MTCL1: variants seen among roughly 807,000 people sequenced by gnomAD.
The protein encoded by MTCL1 is microtubule cross-linking factor 1.
Under a neutral mutation model 141.4 loss-of-function variants are expected in MTCL1, and 79 were observed. That is an observed-to-expected ratio of 0.56 (90% CI 0.47 to 0.67). The LOEUF (loss-of-function observed/expected upper bound fraction) is 0.67. Among genes scored for constraint, MTCL1 ranks in the 30% least tolerant of loss-of-function variants. The probability of loss-of-function intolerance (pLI) is 0.00; values close to 1 mark genes in which losing one functional copy is unlikely to be tolerated. For missense variants in MTCL1, 2,177 were observed against 2,113.9 expected, an observed-to-expected ratio of 1.03 and a Z score of -0.59; for synonymous variants, 914 against 875.8, an observed-to-expected ratio of 1.04 and a Z score of -0.77.
At chr18:8,766,584 A>G (rs2096461113) in intron 4 of MTCL1, among the ~76,000 whole-genome samples, 1 of 152,252 alleles carries the variant, frequency 6.6e-6, no homozygotes, top group Admixed American at 6.5e-5. Context: ...AGATATTGAC[A>G]GTTGAGGGTG....
chr18:8,749,171 C>T (rs796930906), intron 4 of MTCL1, among the ~76,000 whole-genome samples: 10 of 152,356 alleles, frequency 6.6e-5, no homozygotes, highest in African/African-American at 2.4e-4. Flanking sequence ...TATGCAGCAT[C>T]TGCAAGCTCA....
chr18:8,750,266 G>C (rs1238718647), intron 4 of MTCL1, among the ~76,000 whole-genome samples: 2 of 152,100 alleles, frequency 1.3e-5, no homozygotes, highest in African/African-American at 2.4e-5. Flanking sequence ...GGCTGGTCTC[G>C]AACTCCTGAC....
chr18:8,773,853 C>T (rs1422806551), intron 4 of MTCL1, among the ~76,000 whole-genome samples: 1 of 152,052 alleles, frequency 6.6e-6, no homozygotes, highest in Non-Finnish European at 1.5e-5. Flanking sequence ...ATTTCTGAGC[C>T]TTCTATTTAG....
At chr18:8,806,956 C>T in exon 11 of MTCL1, 1 of 1,613,816 alleles carries the variant, frequency 6.2e-7, no homozygotes. Flanking sequence ...CCGTGCGGAG[C>T]TGCGGGAGGA....
At chr18:8,768,879 C>T (rs557756855) in intron 4 of MTCL1, among the ~76,000 whole-genome samples, 31 of 151,534 alleles carry the variant, frequency 2.0e-4, no homozygotes, top group Non-Finnish European at 3.7e-4. Flanking sequence ...GCAACCTCCA[C>T]CTCCCAGGTT....
At chr18:8,722,761 A>T (rs999883321) in intron 4 of MTCL1, among the ~76,000 whole-genome samples, 2 of 152,208 alleles carry the variant, frequency 1.3e-5, no homozygotes, top group African/African-American at 4.8e-5. Context: ...TTCACAGTTC[A>T]AAAGTATGTT....
chr18:8,775,408 TAA>T (rs780102071), intron 4 of MTCL1, among the ~76,000 whole-genome samples: 21 of 92,918 alleles, frequency 2.3e-4, no homozygotes, highest in Admixed American at 6.9e-4. Context: ...TCGTCTCTAC[TAA>T]AAAAAAAAAA....
intron 16 of MTCL1, chr18:8,829,190 G>A: frequency 1.0e-6 from 1 of 985,424 alleles, no homozygotes; most frequent in Non-Finnish European, 1.2e-6. Flanking sequence ...GGGTTTTTAG[G>A]TTATAGAGAT....
At chr18:8,746,414 TGTGAGGACTTGAG>T (rs1299295971) in intron 4 of MTCL1, among the ~76,000 whole-genome samples, 9 of 152,218 alleles carry the variant, frequency 5.9e-5, no homozygotes, top group Non-Finnish European at 1.3e-4. Context: ...TTTGTTCGGT[TGTGAGGACTTGAG>T]GTGAAATATC....
At chr18:8,705,598 C>CGCT (rs2096056146), upstream of MTCL1, 2 of 1,205,500 alleles carry the variant, frequency 1.7e-6, no homozygotes, top group Admixed American at 4.5e-5. This position sits in a 1 kb window ranked among gnomAD's most constrained non-coding sequence, Gnocchi z 5.2. Flanking sequence ...CCGCCGCCGC[C>CGCT]GCCGCCGCCG....
chr18:8,809,366 C>T, intron 11 of MTCL1: 1 of 1,491,274 alleles, frequency 6.7e-7, no homozygotes. Flanking sequence ...ACAAGCCCAA[C>T]AGAAATCACG....
chr18:8,829,163 C>G (rs1448106857), intron 16 of MTCL1: 2 of 985,352 alleles, frequency 2.0e-6, no homozygotes, highest in African/African-American at 3.5e-5. Context: ...AGAGGGTTGA[C>G]CACTCAATGC....
chr18:8,825,229 G>A (rs1323688571), exon 15 of MTCL1: 1 of 1,597,246 alleles, frequency 6.3e-7, no homozygotes, highest in African/African-American at 1.3e-5. Flanking sequence ...AGGTGGCCTT[G>A]CACCTCCCCC....
intron 4 of MTCL1, among the ~76,000 whole-genome samples, chr18:8,768,912 C>G (rs781212680): frequency 5.5e-4 from 83 of 151,732 alleles, no homozygotes; most frequent in Non-Finnish European, 1.0e-3. Flanking sequence ...CTGCCTCAGC[C>G]TGCCGAGTAG....
intron 11 of MTCL1, chr18:8,809,883 G>A (rs2076425021): frequency 5.5e-6 from 2 of 362,116 alleles, no homozygotes; most frequent in South Asian, 3.8e-5. Flanking sequence ...TGAATGAGGA[G>A]GTGGGAGGCA....
chr18:8,764,427 C>A (rs2096449173), intron 4 of MTCL1, among the ~76,000 whole-genome samples: 2 of 151,928 alleles, frequency 1.3e-5, no homozygotes, highest in South Asian at 4.1e-4. Context: ...AAGTGATTCT[C>A]CTGCCTCAGC....
chr18:8,791,992 T>C (rs1445888402), intron 7 of MTCL1, among the ~76,000 whole-genome samples: 1 of 152,192 alleles, frequency 6.6e-6, no homozygotes, highest in Non-Finnish European at 1.5e-5. Flanking sequence ...ATTTTTTGCA[T>C]TTTCTGTTCT....
At chr18:8,712,354 C>T (rs2096098273) in intron 1 of MTCL1, among the ~76,000 whole-genome samples, 1 of 152,182 alleles carries the variant, frequency 6.6e-6, no homozygotes, top group African/African-American at 2.4e-5. Context: ...TCCTGCTTCT[C>T]ATTGGAGTTA....
At chr18:8,708,475 A>G (rs1447917662) in intron 1 of MTCL1, among the ~76,000 whole-genome samples, 1 of 152,174 alleles carries the variant, frequency 6.6e-6, no homozygotes, top group Non-Finnish European at 1.5e-5. Flanking sequence ...GATCATAACT[A>G]GTATTTCACA....
Sources: gnomAD v4.1 joint callset for allele counts (sites outside exome capture counted in the v4.1 genomes callset) on GRCh38, gnomAD v4.1.1 for gene constraint, Gnocchi (gnomAD v3.1) non-coding constraint, MANE v1.5 for transcripts, NCBI Gene and HGNC (gene_info 2026-07-23, HGNC 2026-07-21) for gene names.